SLC2A9: variants seen among roughly 807,000 people sequenced by gnomAD.
The protein encoded by SLC2A9 is solute carrier family 2, facilitated glucose transporter member 9.
A neutral mutation model predicts 50.6 loss-of-function variants in SLC2A9; 39 were observed. The ratio of observed to expected loss-of-function variants is 0.77; its 90% CI spans 0.60 to 1.01. The LOEUF (loss-of-function observed/expected upper bound fraction) is 1.01. Ranked by LOEUF, SLC2A9 falls within the 50% of genes least tolerant of loss-of-function variation. The pLI is 0.00. For missense variants in SLC2A9, 686 were observed against 677.6 expected, an observed-to-expected ratio of 1.01 and a Z score of -0.14; for synonymous variants, 324 against 276.9, an observed-to-expected ratio of 1.17 and a Z score of -1.69.
intron 2 of SLC2A9, among the ~76,000 whole-genome samples, chr4:10,014,875 A>G (rs965661785): frequency 6.6e-6 from 1 of 152,254 alleles, no homozygotes; most frequent in African/African-American, 2.4e-5. Flanking sequence ...AAGCAGCACA[A>G]GTAAACATAA....
At chr4:9,804,158 A>G (rs569972929) in intron 3 of SLC2A9, among the ~76,000 whole-genome samples, 2 of 152,342 alleles carry the variant, frequency 1.3e-5, no homozygotes, top group South Asian at 2.1e-4. Flanking sequence ...AACTCTGTGT[A>G]TGAGGAGAAG....
intron 1 of SLC2A9, among the ~76,000 whole-genome samples, chr4:10,032,375 T>A (rs1397438543): frequency 6.6e-6 from 1 of 151,816 alleles, no homozygotes. Flanking sequence ...CAGGGACTGG[T>A]GTGGTGGGGT....
At chr4:9,933,222 A>T (rs1746455394) in intron 6 of SLC2A9, among the ~76,000 whole-genome samples, 1 of 152,238 alleles carries the variant, frequency 6.6e-6, no homozygotes, top group Non-Finnish European at 1.5e-5. Flanking sequence ...AGCTGAACTC[A>T]GCCTCGGCAA....
At chr4:9,993,308 G>T (rs114536787) in intron 3 of SLC2A9, among the ~76,000 whole-genome samples, 513 of 152,284 alleles carry the variant, frequency 3.4e-3, no homozygotes, top group African/African-American at 0.012. Flanking sequence ...CAGTGCAATT[G>T]AAAGAACAGA....
intron 3 of SLC2A9, among the ~76,000 whole-genome samples, chr4:9,815,455 C>A (rs370026361): frequency 1.0e-3 from 157 of 152,338 alleles, no homozygotes; most frequent in African/African-American, 3.7e-3. Flanking sequence ...CGGTCACAAG[C>A]ACAGGGCAGA....
intron 5 of SLC2A9, among the ~76,000 whole-genome samples, chr4:9,957,370 G>C (rs182433995): frequency 2.6e-5 from 4 of 152,094 alleles, no homozygotes; most frequent in Non-Finnish European, 5.9e-5. Flanking sequence ...TCCTGCTCAC[G>C]CTGTCATCAC....
intron 6 of SLC2A9, among the ~76,000 whole-genome samples, chr4:9,931,567 T>C (rs1745929252): frequency 6.6e-6 from 1 of 152,148 alleles, no homozygotes; most frequent in Non-Finnish European, 1.5e-5. Flanking sequence ...AGTCCACAGC[T>C]TCAGGGAGGT....
chr4:9,820,609 T>C (rs1025550351), intron 3 of SLC2A9, among the ~76,000 whole-genome samples: 1 of 152,222 alleles, frequency 6.6e-6, no homozygotes, highest in African/African-American at 2.4e-5. Context: ...CTTTGACTTA[T>C]TTCATCAGTG....
intron 10 of SLC2A9, among the ~76,000 whole-genome samples, chr4:9,883,333 A>T (rs1388052161): frequency 6.6e-6 from 1 of 152,230 alleles, no homozygotes. Flanking sequence ...TAGTGTGTAG[A>T]GGTGAATTTC....
chr4:9,906,401 G>T (rs983138543), intron 8 of SLC2A9, among the ~76,000 whole-genome samples: 4 of 152,166 alleles, frequency 2.6e-5, no homozygotes, highest in Admixed American at 2.6e-4. Flanking sequence ...TTCAGGGAAG[G>T]TGATGATCTA....
chr4:9,891,915 GCTC>G (rs539419661), intron 8 of SLC2A9, among the ~76,000 whole-genome samples: 187 of 152,338 alleles, frequency 1.2e-3, no homozygotes, highest in African/African-American at 4.2e-3. Context: ...AGCACACATG[GCTC>G]CTGCCTGCCA....
At chr4:9,871,719 G>A (rs1353229575) in intron 10 of SLC2A9, among the ~76,000 whole-genome samples, 1 of 152,192 alleles carries the variant, frequency 6.6e-6, no homozygotes, top group African/African-American at 2.4e-5. Flanking sequence ...ATCTTTGGGG[G>A]ATACTACTCA....
downstream of SLC2A9, among the ~76,000 whole-genome samples, chr4:9,796,267 A>G (rs1469175484): frequency 6.6e-6 from 1 of 152,180 alleles, no homozygotes; most frequent in Non-Finnish European, 1.5e-5. Context: ...TACTGAGCGC[A>G]TTTGCCTGAC....
intron 10 of SLC2A9, among the ~76,000 whole-genome samples, chr4:9,868,133 C>T (rs1732815400): frequency 6.6e-6 from 1 of 152,234 alleles, no homozygotes; most frequent in Admixed American, 6.5e-5. Flanking sequence ...CTCTGTTGTC[C>T]TCCAAGCCCT....
intron 5 of SLC2A9, among the ~76,000 whole-genome samples, chr4:9,955,811 G>A (rs922503213): frequency 6.7e-6 from 1 of 150,172 alleles, no homozygotes; most frequent in Non-Finnish European, 1.5e-5. Flanking sequence ...GAGCCCCACT[G>A]GACATTCTCT....
chr4:9,967,603 G>A (rs936340332), intron 5 of SLC2A9, among the ~76,000 whole-genome samples: 1 of 151,360 alleles, frequency 6.6e-6, no homozygotes, highest in Admixed American at 6.6e-5. Context: ...TAAATTAAAA[G>A]GTTATTAAAA....
At chr4:9,908,559 A>G (rs1741120816) in intron 7 of SLC2A9, among the ~76,000 whole-genome samples, 1 of 150,690 alleles carries the variant, frequency 6.6e-6, no homozygotes, top group African/African-American at 2.4e-5. Flanking sequence ...ATTTATATAT[A>G]TATTTTATTA....
intron 6 of SLC2A9, among the ~76,000 whole-genome samples, chr4:9,938,342 G>A (rs980361724): frequency 2.7e-5 from 4 of 148,282 alleles, no homozygotes; most frequent in Non-Finnish European, 5.9e-5. Context: ...TGTGATCTTG[G>A]CTCACTGTAA....
intron 8 of SLC2A9, among the ~76,000 whole-genome samples, chr4:9,900,861 A>G (rs1739470583): frequency 6.6e-6 from 1 of 152,116 alleles, no homozygotes; most frequent in Admixed American, 6.5e-5. Flanking sequence ...CTCACTCACT[A>G]TCATGAGAAC....
Sources: allele counts gnomAD v4.1 joint callset (sites outside exome capture counted in the v4.1 genomes callset), GRCh38; gene constraint gnomAD v4.1.1; transcripts MANE v1.5; gene names NCBI Gene and HGNC (gene_info 2026-07-23, HGNC 2026-07-21).